Variants in RAB11FIP3 observed in about 807,000 individuals in gnomAD.
RAB11FIP3 encodes rab11 family-interacting protein 3.
Under a neutral mutation model 77.8 loss-of-function variants are expected in RAB11FIP3, and 17 were observed. The ratio of observed to expected loss-of-function variants is 0.22; its 90% CI spans 0.15 to 0.33. The LOEUF (loss-of-function observed/expected upper bound fraction) is 0.33, where lower values mean the gene tolerates loss of function less well. Among genes scored for constraint, RAB11FIP3 ranks in the 10% least tolerant of loss-of-function variants. RAB11FIP3 has a pLI of 1.00. For missense variants in RAB11FIP3, 1,005 were observed against 1,011.2 expected, an observed-to-expected ratio of 0.99 and a Z score of 0.08; for synonymous variants, 437 against 448.2, an observed-to-expected ratio of 0.98 and a Z score of 0.31.
chr16:467,357 G>A (rs1026722986), intron 2 of RAB11FIP3, among the ~76,000 whole-genome samples: 1 of 152,174 alleles, frequency 6.6e-6, no homozygotes, highest in Non-Finnish European at 1.5e-5. Context: ...GTGGGACACT[G>A]AGCTGACTGC....
At position 426,783 on chromosome 16, in the gene RAB11FIP3, A is replaced by T; in HGVS notation, c.714+63A>T. ...AGGTGCGCGCTGGCCGGCGGGGTTGATGTGGGACCGGTCGACGCTGCCCCT... is the reference window on the plus strand; with the variant it reads ...AGGTGCGCGCTGGCCGGCGGGGTTGTTGTGGGACCGGTCGACGCTGCCCCT... On this transcript the variant is annotated intron_variant, in intron 1 of 13. Transcript: ENST00000262305. The surrounding 1 kb of genome is among the most constrained non-coding windows in gnomAD (Gnocchi z 5.0). 1 of 1,346,880 alleles carries T rather than the reference A, an allele frequency of 7.4e-7. No individual in the cohort carries two copies. Among genetic ancestry groups the T allele is most frequent in the Non-Finnish European group, 9.9e-7 (1 of 1,010,720 alleles). The allele number at this position is 1,346,880 out of a possible 1,614,324, so 83.4% of individuals were successfully genotyped here. A position where few individuals can be genotyped will look rare whatever the true frequency, so the allele number is the denominator to read the frequency against.
In RAB11FIP3 at chr16:505,138, ATCTG is replaced by A. The variant is rs965807314; in HGVS notation, c.1396-379_1396-376del. 6.6e-6 allele frequency among the ~76,000 whole-genome samples: 1 copy of A among 151,198 alleles called. No homozygotes were observed. The highest frequency in any genetic ancestry group is 2.4e-5 in the African/African-American group (1 of 41,104). On this transcript the variant is annotated intron_variant, in intron 7 of 13. Transcript: ENST00000262305. This position sits in a 1 kb window ranked among gnomAD's most constrained non-coding sequence, Gnocchi z 4.0. ...CTCTGAGGGAGGGACCGAGACATGG[ATCTG>A]TCTGTCCCTTGCATCCATGGGCACC...
chr16:500,766 C>T (rs1002022448), intron 6 of RAB11FIP3, among the ~76,000 whole-genome samples: 6 of 151,292 alleles, frequency 4.0e-5, no homozygotes, highest in African/African-American at 7.3e-5. Context: ...TGAGGACCCT[C>T]TGCCTCACGT....
At chr16:515,753 C>A (rs1272614467) in intron 9 of RAB11FIP3, among the ~76,000 whole-genome samples, 1 of 151,878 alleles carries the variant, frequency 6.6e-6, no homozygotes, top group Non-Finnish European at 1.5e-5. Context: ...GTTTGCATCT[C>A]GGAACAGCCA....
rs142661413 is a variant in RAB11FIP3, at chr16:434,345, C to T, written c.714+7625C>T. Among the ~76,000 whole-genome samples, 1,002 of 152,262 alleles carry T rather than the reference C, an allele frequency of 6.6e-3. 9 individuals carry two copies. Among genetic ancestry groups the T allele is most frequent in the Middle Eastern group, 0.031 (9 of 294 alleles). ...GCCATGTTAGCCCAGGCTGGTCTCG[C>T]GCTCCTGACCTCAAGTGATCTGCGT... On this transcript the variant is annotated intron_variant, in intron 1 of 13. Coordinates refer to ENST00000262305, the MANE Select transcript of RAB11FIP3 (RefSeq NM_014700.4).
intron 3 of RAB11FIP3, among the ~76,000 whole-genome samples, chr16:478,703 C>T (rs953868444): frequency 4.6e-5 from 7 of 152,282 alleles, no homozygotes; most frequent in Admixed American, 2.0e-4. Flanking sequence ...CGGTGGCTCA[C>T]GCCTATAATC....
At chr16:515,570 C>T (rs1367696253) in intron 9 of RAB11FIP3, among the ~76,000 whole-genome samples, 3 of 149,464 alleles carry the variant, frequency 2.0e-5, no homozygotes, top group Non-Finnish European at 4.4e-5. Flanking sequence ...ACGGGCGACA[C>T]GGACCGGTGT....
At chr16:456,923 C>T (rs1265452959) in intron 1 of RAB11FIP3, among the ~76,000 whole-genome samples, 2 of 151,834 alleles carry the variant, frequency 1.3e-5, no homozygotes, top group East Asian at 3.9e-4. Context: ...GCTTCAGTGC[C>T]ATTGGGAGAT....
Position 496,955 on chromosome 16 carries a change from AT to A in RAB11FIP3, c.1301+102del, listed in dbSNP as rs543076966. On this transcript the variant is annotated intron_variant, in intron 6 of 13. Coordinates refer to ENST00000262305, the MANE Select transcript of RAB11FIP3 (RefSeq NM_014700.4). Reference sequence around the variant, plus strand: ...ATTTTAAAATGTTCTTTTCCAAGGTATTTTTTAAACTCTTGCAAGTTACTTT... The same window carrying A: ...ATTTTAAAATGTTCTTTTCCAAGGTATTTTTAAACTCTTGCAAGTTACTTT... 3.6e-4 allele frequency: 492 copies of A among 1,366,044 alleles called. 7 individuals are homozygous for A. In the South Asian group the frequency reaches 5.7e-3, roughly 16 times the overall value. The allele number at this position is 1,366,044 out of a possible 1,614,324, so 84.6% of individuals were successfully genotyped here. A position where few individuals can be genotyped will look rare whatever the true frequency, so the allele number is the denominator to read the frequency against.
intron 1 of RAB11FIP3, among the ~76,000 whole-genome samples, chr16:430,608 G>T (rs573351067): frequency 6.6e-6 from 1 of 152,246 alleles, no homozygotes; most frequent in Admixed American, 6.5e-5. Flanking sequence ...AGTCTGAAGT[G>T]CAGTGGCAAG....
At position 426,614 on chromosome 16, in the gene RAB11FIP3, A is replaced by C. The variant is rs1250141037; in HGVS notation, c.608A>C (p.Asp203Ala). The C allele has an allele frequency of 1.9e-6, 3 of 1,593,990 alleles. No homozygotes were observed. The highest frequency in any genetic ancestry group is 2.3e-5 in the South Asian group (2 of 88,652). The change falls in exon 1 of 14, where the codon GAC becomes GCC. Residue 203 changes from aspartate (D) to alanine (A), a missense_variant. Coordinates refer to ENST00000262305, the MANE Select transcript of RAB11FIP3 (RefSeq NM_014700.4). This position sits in a 1 kb window ranked among gnomAD's most constrained non-coding sequence, Gnocchi z 5.0. ...LPSEPVGSQE[D>A]GPRLRAVFDA... ...AGCGAGCCCGTGGGGAGTCAGGAGG[A>C]CGGCCCCCGCCTCCGAGCCGTGTTC...
rs766534383 is a variant in RAB11FIP3, at chr16:426,470, G to A, written c.464G>A (p.Arg155Gln). The A allele has an allele frequency of 1.2e-5, 19 of 1,581,250 alleles. No homozygotes were observed. In the East Asian group the frequency reaches 3.0e-4, roughly 25 times the overall value. Residue 155 changes from arginine (R) to glutamine (Q), a missense_variant, in exon 1 of 14, where the codon CGG becomes CAG. This residue lies in a region of RAB11FIP3 where 466 missense variants were observed against 408.3 expected (regional missense o/e 1.14). Coordinates refer to ENST00000262305, the MANE Select transcript of RAB11FIP3 (RefSeq NM_014700.4). This position sits in a 1 kb window ranked among gnomAD's most constrained non-coding sequence, Gnocchi z 5.0. ...GGGTCCAGCAGCAGCCACCGAGCGC[G>A]GGGCGAGGTCGACGTCTTCTCTCCC... ...LQGSSSSHRARGEVDVFSPFP... is the reference protein window; with the variant it reads ...LQGSSSSHRAQGEVDVFSPFP...
intron 3 of RAB11FIP3, among the ~76,000 whole-genome samples, chr16:478,953 A>C (rs908492927): frequency 3.9e-5 from 6 of 152,212 alleles, no homozygotes; most frequent in South Asian, 2.1e-4. Flanking sequence ...TGACAGAGTG[A>C]GACCCTGTCT....
intron 4 of RAB11FIP3, among the ~76,000 whole-genome samples, chr16:485,904 T>C (rs1296090938): frequency 1.3e-5 from 2 of 152,128 alleles, no homozygotes; most frequent in Non-Finnish European, 2.9e-5. Context: ...ATTTTTTTAT[T>C]TTGTTTTGCT....
chr16:518,557 T>C (rs2032523595), intron 9 of RAB11FIP3, among the ~76,000 whole-genome samples: 1 of 149,860 alleles, frequency 6.7e-6, no homozygotes, highest in African/African-American at 2.5e-5. Flanking sequence ...AAACCCCCTC[T>C]CTACTGAAAT....
At chr16:479,772 A>G (rs1433509486) in intron 3 of RAB11FIP3, among the ~76,000 whole-genome samples, 1 of 151,734 alleles carries the variant, frequency 6.6e-6, no homozygotes, top group Non-Finnish European at 1.5e-5. Flanking sequence ...ATTTCAAAAA[A>G]TTAGGCATGG....
rs866322889 is a variant in RAB11FIP3 at position 426,446 on chromosome 16, G to A, written c.440G>A (p.Gly147Glu). The A allele has an allele frequency of 2.5e-6, 4 of 1,585,062 alleles. No homozygotes were observed. Among genetic ancestry groups the A allele is most frequent in the Non-Finnish European group, 3.4e-6 (4 of 1,167,104 alleles). Residue 147 changes from glycine to glutamate, a missense_variant, in exon 1 of 14, where the codon GGG (glycine) becomes GAG (glutamate). This residue lies in a region of RAB11FIP3 where 466 missense variants were observed against 408.3 expected (regional missense o/e 1.14). Transcript: ENST00000262305. The surrounding 1 kb of genome is among the most constrained non-coding windows in gnomAD (Gnocchi z 5.0). The part of the protein sequence containing the change: ...CPESAPFRLQ[G>E]SSSSHRARGE... ...GAGAGCGCGCCTTTCCGCTTGCAGG[G>A]GTCCAGCAGCAGCCACCGAGCGCGG...
chr16:500,273 G>A (rs945140862), intron 6 of RAB11FIP3, among the ~76,000 whole-genome samples: 3 of 152,214 alleles, frequency 2.0e-5, no homozygotes, highest in African/African-American at 7.2e-5. Flanking sequence ...AGCCAGGCTC[G>A]ACCTACTGCC....
chr16:446,813 G>C (rs1042685495), intron 1 of RAB11FIP3, among the ~76,000 whole-genome samples: 1 of 151,894 alleles, frequency 6.6e-6, no homozygotes, highest in Non-Finnish European at 1.5e-5. Context: ...CAATTCTCCT[G>C]CCTCAGCCTC....
Sources: gnomAD v4.1 joint callset for allele counts (sites outside exome capture counted in the v4.1 genomes callset) on GRCh38, gnomAD v4.1.1 for gene constraint, gnomAD v4.1.1 regional missense constraint, Gnocchi (gnomAD v3.1) non-coding constraint, MANE v1.5 for transcripts, NCBI Gene and HGNC (gene_info 2026-07-23, HGNC 2026-07-21) for gene names.